Variants in SCEL observed in about 807,000 individuals in gnomAD.
The protein encoded by SCEL is sciellin.
Under a neutral mutation model 117.6 loss-of-function variants are expected in SCEL, and 113 were observed. The ratio of observed to expected loss-of-function variants is 0.96; its 90% confidence interval spans 0.83 to 1.12. The LOEUF (loss-of-function observed/expected upper bound fraction) is 1.12. Among genes scored for constraint, SCEL ranks in the 50% most tolerant of loss-of-function variants. The pLI is 0.00. For missense variants in SCEL, 785 were observed against 810.8 expected (o/e 0.97, Z 0.39); for synonymous variants, 270 against 256.2 (o/e 1.05, Z -0.51).
At chr13:77,601,738 T>C (rs1437468757) in intron 15 of SCEL, among the ~76,000 whole-genome samples, 1 of 152,196 alleles carries the variant, frequency 6.6e-6, no homozygotes, top group African/African-American at 2.4e-5. Flanking sequence ...AATAAGACAG[T>C]ATCTCAATAT....
At chr13:77,563,921 T>A in intron 5 of SCEL, 22 bp downstream of exon 5, 1 of 1,448,354 alleles carries the variant, frequency 6.9e-7, no homozygotes, top group East Asian at 2.4e-5. Context: ...TTGAACCATA[T>A]AAATGGAATG....
At chr13:77,640,650 A>C (rs746421550) in intron 30 of SCEL, 26 bp from the exon 31 acceptor site, 1 of 1,319,754 alleles carries the variant, frequency 7.6e-7, no homozygotes, top group Non-Finnish European at 1.1e-6. Context: ...TGGCAAATTT[A>C]TTTTTAATTG....
intron 27 of SCEL, among the ~76,000 whole-genome samples, chr13:77,625,353 G>A (rs1192416667): frequency 2.0e-5 from 3 of 152,142 alleles, no homozygotes; most frequent in Non-Finnish European, 4.4e-5. Context: ...GACCTTCAAG[G>A]ATTAGGCAAA....
intron 30 of SCEL, among the ~76,000 whole-genome samples, chr13:77,637,901 C>T (rs1388916400): frequency 1.3e-5 from 2 of 152,272 alleles, no homozygotes; most frequent in East Asian, 3.9e-4. Context: ...CCTCTTTTAC[C>T]ATTCAATGTT....
chr13:77,556,459 C>A, intron 2 of SCEL, 137 bp from the exon 3 acceptor site: 2 of 695,242 alleles, frequency 2.9e-6, no homozygotes, highest in South Asian at 3.4e-5. Flanking sequence ...GTGCATCCTA[C>A]TTTGAAACAG....
intron 1 of SCEL, among the ~76,000 whole-genome samples, chr13:77,552,165 G>C (rs1567339794): frequency 6.6e-6 from 1 of 151,878 alleles, no homozygotes; most frequent in South Asian, 2.1e-4. Flanking sequence ...ACGTGTGCAT[G>C]TGTCTTTATA....
rs1363727312 is a variant in SCEL, at chr13:77,569,406, A to G, written c.434A>G (p.Asn145Ser). 3.7e-6 allele frequency: 6 copies of G among 1,613,988 alleles called. No homozygotes were observed. Among genetic ancestry groups the G allele is most frequent in the African/African-American group, 1.3e-5 (1 of 75,064 alleles). ...GGTTCATTGAATGCCAACACCTCCA[A>G]CACCATAGCATCCACTTCTGCTACT... is the stretch of plus-strand genomic sequence containing the variant. The part of the protein sequence containing the change: ...PGGSLNANTS[N>S]TIASTSATTP... Residue 145 changes from asparagine (N) to serine (S), a missense_variant, in exon 8 of 33, where the codon AAC becomes AGC. Coordinates refer to ENST00000349847, the MANE Select transcript of SCEL (RefSeq NM_144777.3).
intron 28 of SCEL, among the ~76,000 whole-genome samples, 161 bp downstream of exon 28, chr13:77,628,170 G>GTGTGTA (rs10700333): frequency 1.5e-4 from 21 of 139,742 alleles, no homozygotes; most frequent in East Asian, 8.2e-4. Flanking sequence ...ATATGTGTGT[G>GTGTGTA]TATATATATA....
At chr13:77,620,932 T>G (rs2089376736) in intron 27 of SCEL, among the ~76,000 whole-genome samples, 1 of 152,200 alleles carries the variant, frequency 6.6e-6, no homozygotes, top group African/African-American at 2.4e-5. Flanking sequence ...CTATTGCATA[T>G]TTTTCATATT....
intron 27 of SCEL, among the ~76,000 whole-genome samples, chr13:77,621,680 C>T (rs2089433037): frequency 6.6e-6 from 1 of 152,122 alleles, no homozygotes; most frequent in African/African-American, 2.4e-5. Context: ...AGGTATTTAG[C>T]ACATATTAAG....
chr13:77,559,502 G>T (rs1314883140), intron 3 of SCEL, among the ~76,000 whole-genome samples: 1 of 141,688 alleles, frequency 7.1e-6, no homozygotes, highest in Non-Finnish European at 1.5e-5. Flanking sequence ...TATTCCCACA[G>T]TCTGATAAAA....
At chr13:77,542,278 G>A (rs1042850722) in intron 1 of SCEL, among the ~76,000 whole-genome samples, 2 of 152,194 alleles carry the variant, frequency 1.3e-5, no homozygotes, top group African/African-American at 4.8e-5. Flanking sequence ...GTGCGTGCCT[G>A]TAATCCCAGC....
At chr13:77,567,443 G>T (rs955233233) in intron 5 of SCEL, among the ~76,000 whole-genome samples, 1 of 152,142 alleles carries the variant, frequency 6.6e-6, no homozygotes, top group African/African-American at 2.4e-5. Context: ...AACAGAGCAA[G>T]ACTCCATCTC....
chr13:77,622,010 T>C (rs890645703), intron 27 of SCEL, among the ~76,000 whole-genome samples: 4 of 152,182 alleles, frequency 2.6e-5, no homozygotes, highest in Non-Finnish European at 5.9e-5. Context: ...TATAAAAATA[T>C]GTAAAACTCT....
At chr13:77,634,279 C>T in intron 28 of SCEL, 100 bp from the exon 29 acceptor site, 1 of 967,790 alleles carries the variant, frequency 1.0e-6, no homozygotes, top group Non-Finnish European at 1.6e-6. Flanking sequence ...TCAGAAGGAA[C>T]ATATATTCAT....
chr13:77,548,334 A>G (rs2084109073), intron 1 of SCEL, among the ~76,000 whole-genome samples: 1 of 152,224 alleles, frequency 6.6e-6, no homozygotes, highest in Non-Finnish European at 1.5e-5. Flanking sequence ...TGCCTATGCC[A>G]CTGCTAACAC....
intron 28 of SCEL, among the ~76,000 whole-genome samples, chr13:77,629,478 C>T (rs1014614105): frequency 2.0e-5 from 3 of 152,004 alleles, no homozygotes; most frequent in African/African-American, 4.8e-5. Flanking sequence ...ATAAGAGTCC[C>T]GGGAAAATCT....
chr13:77,556,502 C>G, intron 2 of SCEL, 94 bp from the exon 3 acceptor site: 2 of 980,550 alleles, frequency 2.0e-6, no homozygotes, highest in Non-Finnish European at 3.3e-6. Flanking sequence ...TGATGCTGGC[C>G]AATCAGATGT....
chr13:77,643,033 C>T (rs2090634180), intron 32 of SCEL, among the ~76,000 whole-genome samples: 1 of 152,002 alleles, frequency 6.6e-6, no homozygotes, highest in African/African-American at 2.4e-5. Context: ...TACAACTAAA[C>T]CAAAGGGTCA....
Sources: gnomAD v4.1 joint callset for allele counts (sites outside exome capture counted in the v4.1 genomes callset) on GRCh38, gnomAD v4.1.1 for gene constraint, MANE v1.5 for transcripts, NCBI Gene and HGNC (gene_info 2026-07-23, HGNC 2026-07-21) for gene names.